The following UST variants were observed in gnomAD, a reference collection of about 807,000 sequenced individuals.
The protein encoded by UST is uronyl 2-sulfotransferase, also known as chondroitin sulfate 2-O-sulfotransferase.
UST carries 21 observed loss-of-function variants against 45.6 expected under a neutral mutation model. That is an observed-to-expected ratio of 0.46 (90% confidence interval 0.33 to 0.66). The LOEUF is 0.66. Ranked by LOEUF, UST falls within the 30% of genes least tolerant of loss-of-function variation. UST has a pLI of 0.02. For synonymous variants in UST, 215 were observed against 200.6 expected, an observed-to-expected ratio of 1.07 and a Z score of -0.61; for missense variants, 463 against 512.4, an observed-to-expected ratio of 0.90 and a Z score of 0.93.
At position 148,748,778 on chromosome 6, in the gene UST, G is replaced by T. The variant is rs993577538; in HGVS notation, c.247+1101G>T. 6.6e-6 allele frequency among the ~76,000 whole-genome samples: 1 copy of T among 152,146 alleles called. No homozygotes were observed. Among genetic ancestry groups the T allele is most frequent in the African/African-American group, 2.4e-5 (1 of 41,432 alleles). ...ATCTGCACGATGAGAGCGAGTGCGGGGAAGCAGAGCCACCGAAGTGCTGGA... is the reference window on the plus strand; with the variant it reads ...ATCTGCACGATGAGAGCGAGTGCGGTGAAGCAGAGCCACCGAAGTGCTGGA... On this transcript the variant is annotated intron_variant, in intron 1 of 7. Coordinates refer to ENST00000367463, the MANE Select transcript of UST (RefSeq NM_005715.3). The surrounding 1 kb of genome is among the most constrained non-coding windows in gnomAD (Gnocchi z 5.3).
At chr6:148,955,072 G>A (rs568906170) in intron 4 of UST, among the ~76,000 whole-genome samples, 14 of 152,358 alleles carry the variant, frequency 9.2e-5, no homozygotes, top group Non-Finnish European at 1.5e-4. Flanking sequence ...GGGAACCTCC[G>A]GGCCTCCCTT....
chr6:148,902,456 G>C (rs1404410909), intron 2 of UST, among the ~76,000 whole-genome samples: 3 of 151,142 alleles, frequency 2.0e-5, no homozygotes, highest in Non-Finnish European at 4.4e-5. Flanking sequence ...GCCAGGTCTT[G>C]AACTCCTGGG....
chr6:148,852,364 C>T (rs1401807928), intron 1 of UST, among the ~76,000 whole-genome samples: 3 of 152,162 alleles, frequency 2.0e-5, no homozygotes, highest in Non-Finnish European at 4.4e-5. Context: ...GCTGCCAAGG[C>T]CCGTGCTGCG....
chr6:148,771,115 C>A (rs1776417170), intron 1 of UST, among the ~76,000 whole-genome samples: 2 of 151,772 alleles, frequency 1.3e-5, no homozygotes, highest in Non-Finnish European at 2.9e-5. Flanking sequence ...AAAGAAAAAT[C>A]TCCAGTGTGC....
chr6:149,022,101 G>A (rs1012213502), intron 7 of UST, among the ~76,000 whole-genome samples: 9 of 152,212 alleles, frequency 5.9e-5, no homozygotes, highest in Admixed American at 2.0e-4. Flanking sequence ...TGGTATCATC[G>A]TAAGTATAAT....
intron 1 of UST, among the ~76,000 whole-genome samples, chr6:148,839,382 T>C (rs1165223167): frequency 6.6e-6 from 1 of 152,208 alleles, no homozygotes; most frequent in Non-Finnish European, 1.5e-5. Flanking sequence ...TTCACCCTTT[T>C]CTGTCTCTAA....
intron 7 of UST, among the ~76,000 whole-genome samples, chr6:149,061,578 C>T (rs1030556737): frequency 6.6e-6 from 1 of 152,208 alleles, no homozygotes; most frequent in Non-Finnish European, 1.5e-5. Flanking sequence ...TTGGGAGGAG[C>T]CCCTGAGTTG....
chr6:148,804,394 G>A (rs924357795), intron 1 of UST, among the ~76,000 whole-genome samples: 1 of 152,156 alleles, frequency 6.6e-6, no homozygotes, highest in Non-Finnish European at 1.5e-5. Context: ...TGTGTGTGAG[G>A]GGGGGTCATG....
chr6:148,989,733 T>C (rs957125290), intron 5 of UST, among the ~76,000 whole-genome samples: 1 of 152,164 alleles, frequency 6.6e-6, no homozygotes, highest in African/African-American at 2.4e-5. Context: ...TCCAGTCCTT[T>C]CCCATTCTAA....
intron 7 of UST, among the ~76,000 whole-genome samples, chr6:149,071,838 T>C (rs1356317750): frequency 1.3e-5 from 2 of 152,090 alleles, no homozygotes; most frequent in East Asian, 1.9e-4. Flanking sequence ...AGGACTTGAA[T>C]AGACATTTCT....
At chr6:148,948,221 A>G (rs1281964071) in intron 3 of UST, among the ~76,000 whole-genome samples, 3 of 152,382 alleles carry the variant, frequency 2.0e-5, no homozygotes, top group African/African-American at 4.8e-5. Flanking sequence ...TTCAAGGGCC[A>G]AGGCTCTTCC....
chr6:148,905,248 G>T (rs1475478366), intron 2 of UST, among the ~76,000 whole-genome samples: 1 of 152,160 alleles, frequency 6.6e-6, no homozygotes, highest in Non-Finnish European at 1.5e-5. Flanking sequence ...CCTGGTCCCT[G>T]ACACCCTGCG....
intron 7 of UST, among the ~76,000 whole-genome samples, chr6:149,043,549 TC>T (rs1329111307): frequency 6.6e-6 from 1 of 152,276 alleles, no homozygotes; most frequent in East Asian, 1.9e-4. Context: ...TGCTGTGGCC[TC>T]CTTTTCTGAG....
At position 148,747,539 on chromosome 6, in the gene UST, C is replaced by T. The variant is rs1277188607; in HGVS notation, c.109C>T (p.Leu37=). 1.3e-6 allele frequency: 2 copies of T among 1,557,588 alleles called. No homozygotes were observed. Among genetic ancestry groups the T allele is most frequent in the Admixed American group, 3.8e-5 (2 of 52,144 alleles). ...GGGCAGCTGGAAGCGTCGGGTGCCC[C>T]TGCTGCCTTTCCTGCGCTTCTCCCT... The part of the protein sequence containing the change: ...GLGSWKRRVP[L]LPFLRFSLRD... Residue 37 remains leucine, a synonymous_variant, in exon 1 of 8, where the codon CTG becomes TTG. Transcript: ENST00000367463.
intron 1 of UST, among the ~76,000 whole-genome samples, chr6:148,870,557 G>A (rs1033832665): frequency 2.0e-5 from 3 of 152,182 alleles, no homozygotes; most frequent in African/African-American, 7.2e-5. Flanking sequence ...CCTGCTGCAG[G>A]TGCATGGTGC....
chr6:148,978,589 G>A (rs543321766), intron 5 of UST, among the ~76,000 whole-genome samples: 29 of 151,992 alleles, frequency 1.9e-4, no homozygotes, highest in African/African-American at 6.0e-4. Context: ...ACCAAACACC[G>A]CATGTTCTCA....
At chr6:148,959,973 G>A (rs898948014) in intron 4 of UST, among the ~76,000 whole-genome samples, 4 of 151,896 alleles carry the variant, frequency 2.6e-5, no homozygotes, top group Non-Finnish European at 4.4e-5. Context: ...TTACTGTGAC[G>A]GGCTCCAGCA....
chr6:148,876,969 G>T (rs995208808), intron 1 of UST, among the ~76,000 whole-genome samples: 5 of 110,538 alleles, frequency 4.5e-5, no homozygotes, highest in African/African-American at 7.1e-5. Context: ...GAAGTGTGTG[G>T]GGGATCATGT....
intron 1 of UST, among the ~76,000 whole-genome samples, chr6:148,765,648 C>T (rs979977348): frequency 1.3e-5 from 2 of 152,174 alleles, no homozygotes; most frequent in African/African-American, 4.8e-5. Flanking sequence ...CATAGGAAAT[C>T]ATGAGAGTAT....
Sources: gnomAD v4.1 joint callset for allele counts (sites outside exome capture counted in the v4.1 genomes callset) on GRCh38, gnomAD v4.1.1 for gene constraint, Gnocchi (gnomAD v3.1) non-coding constraint, MANE v1.5 for transcripts, NCBI Gene and HGNC (gene_info 2026-07-23, HGNC 2026-07-21) for gene names.